The following ZNF277 variants were observed in gnomAD, a reference collection of about 807,000 sequenced individuals.
ZNF277 encodes the protein zinc finger protein 277.
ZNF277 carries 55 observed loss-of-function variants against 60.7 expected under a neutral mutation model. The ratio of observed to expected loss-of-function variants is 0.91; its 90% CI spans 0.73 to 1.13. The LOEUF (loss-of-function observed/expected upper bound fraction) is 1.13. Among genes scored for constraint, ZNF277 ranks in the 50% most tolerant of loss-of-function variants. The pLI, the probability that ZNF277 is intolerant of heterozygous loss-of-function variation, is 0.00. For synonymous variants in ZNF277, 178 were observed against 179.3 expected, an observed-to-expected ratio of 0.99 and a Z score of 0.06; for missense variants, 510 against 523.0, an observed-to-expected ratio of 0.98 and a Z score of 0.24.
chr7:112,324,368 T>C (rs751623550), intron 5 of ZNF277, among the ~76,000 whole-genome samples: 25 of 152,182 alleles, frequency 1.6e-4, no homozygotes, highest in Non-Finnish European at 3.2e-4. Flanking sequence ...AAATTAAGTT[T>C]ATAAAGAAAG....
intron 4 of ZNF277, among the ~76,000 whole-genome samples, chr7:112,302,059 C>T (rs1447978819): frequency 3.3e-5 from 5 of 151,996 alleles, no homozygotes; most frequent in South Asian, 2.1e-4. Context: ...AGTAGCAAGA[C>T]GTAACTTAAC....
chr7:112,269,131 C>A (rs150986523), intron 1 of ZNF277, among the ~76,000 whole-genome samples: 1 of 151,942 alleles, frequency 6.6e-6, no homozygotes, highest in Non-Finnish European at 1.5e-5. Flanking sequence ...CAATGAATGA[C>A]AAGACCTTGA....
intron 2 of ZNF277, 135 bp from the exon 3 acceptor site, chr7:112,295,734 T>C: frequency 1.6e-6 from 1 of 622,416 alleles, no homozygotes; most frequent in East Asian, 2.7e-5. Flanking sequence ...CACAAAAAAC[T>C]GCTAGAAAAG....
chr7:112,327,277 A>G (rs1413071564), intron 5 of ZNF277, among the ~76,000 whole-genome samples: 2 of 152,202 alleles, frequency 1.3e-5, no homozygotes, highest in African/African-American at 2.4e-5. Flanking sequence ...TAAGAAGTAC[A>G]CAACCTAGAT....
In ZNF277 at chr7:112,339,843, G is replaced by T. The variant is rs779311743; in HGVS notation, c.967G>T (p.Asp323Tyr). ...TIEKLYVHME[D>Y]AHEFDLLKIK... ...ACAGATGTATTCATTCCTTTTTTAG[G>T]ATGCACACGAATTTGATCTTCTCAA... Residue 323 changes from aspartate to tyrosine, a missense_variant and splice_region_variant, in exon 10 of 12, where the codon GAT (aspartate) becomes TAT (tyrosine). Asp to Tyr is a radical substitution (Grantham distance 160). Transcript: ENST00000361822. 3.1e-6 allele frequency: 5 copies of T among 1,611,614 alleles called. No individual in the cohort carries two copies. The East Asian group carries it at 1.1e-4, about 36-fold the overall frequency.
intron 1 of ZNF277, among the ~76,000 whole-genome samples, chr7:112,223,845 G>A (rs1283275734): frequency 6.6e-6 from 1 of 152,158 alleles, no homozygotes; most frequent in African/African-American, 2.4e-5. Context: ...GAAGCAATTG[G>A]GGTTGCAGTC....
At chr7:112,217,421 A>C (rs2116955723) in intron 1 of ZNF277, among the ~76,000 whole-genome samples, 1 of 152,358 alleles carries the variant, frequency 6.6e-6, no homozygotes, top group South Asian at 2.1e-4. Flanking sequence ...GGAAATGTAA[A>C]TTGAAAGTAG....
chr7:112,242,160 A>G (rs1406416441), intron 1 of ZNF277, among the ~76,000 whole-genome samples: 7 of 152,076 alleles, frequency 4.6e-5, no homozygotes, highest in Non-Finnish European at 7.4e-5. Context: ...AAATTTAAAA[A>G]AAGATAATCT....
chr7:112,279,617 C>T (rs540488261), intron 1 of ZNF277, among the ~76,000 whole-genome samples: 14 of 152,214 alleles, frequency 9.2e-5, no homozygotes, highest in Admixed American at 7.2e-4. Flanking sequence ...GGATTAGGGT[C>T]ACCAGCTCCC....
intron 4 of ZNF277, among the ~76,000 whole-genome samples, chr7:112,311,702 AAG>A (rs1210367668): frequency 1.3e-5 from 2 of 151,088 alleles, no homozygotes; most frequent in Non-Finnish European, 2.9e-5. Context: ...GAAGGAAAGA[AAG>A]AGTAAGGGAA....
chr7:112,242,539 C>A, intron 1 of ZNF277, among the ~76,000 whole-genome samples: 1 of 142,052 alleles, frequency 7.0e-6, no homozygotes, highest in Non-Finnish European at 1.5e-5. Flanking sequence ...AGAAGTCAAT[C>A]CCATTTATAA....
intron 1 of ZNF277, among the ~76,000 whole-genome samples, chr7:112,262,272 T>G (rs1791455946): frequency 6.6e-6 from 1 of 150,452 alleles, no homozygotes; most frequent in African/African-American, 2.5e-5. Flanking sequence ...AAAAGATCAT[T>G]GAGCCACGTG....
At chr7:112,269,246 A>T (rs904063940) in intron 1 of ZNF277, among the ~76,000 whole-genome samples, 2 of 150,978 alleles carry the variant, frequency 1.3e-5, no homozygotes, top group Non-Finnish European at 2.9e-5. Context: ...TGCTGTAAAT[A>T]AAAGACTCTA....
intron 1 of ZNF277, among the ~76,000 whole-genome samples, chr7:112,238,217 T>A (rs1447350062): frequency 6.6e-6 from 1 of 152,202 alleles, no homozygotes. Context: ...CTCTCAGCAG[T>A]GGCAGCTTAG....
chr7:112,242,975 C>T lies in ZNF277; in HGVS notation c.91+36168C>T, dbSNP rs139527497. ...AGAATGGTACTGGTATAAAAATAGACACATAGATCAATAGAACAGAATAGA... is the reference window on the plus strand; with the variant it reads ...AGAATGGTACTGGTATAAAAATAGATACATAGATCAATAGAACAGAATAGA... On this transcript the variant is annotated intron_variant, in intron 1 of 11. Transcript: ENST00000361822. Among the ~76,000 whole-genome samples, 46 of 152,080 alleles carry T rather than the reference C, an allele frequency of 3.0e-4. 1 individual carries two copies. The East Asian group carries it at 8.5e-3, about 28-fold the overall frequency.
rs949182329 is a variant in ZNF277 at position 112,343,836 on chromosome 7, G to C, written c.*1107G>C. Among the ~76,000 whole-genome samples, 5 of 150,086 alleles carry C rather than the reference G, an allele frequency of 3.3e-5. No homozygotes were observed. The highest frequency in any genetic ancestry group is 1.2e-4 in the African/African-American group (5 of 40,652). On this transcript the variant is annotated 3_prime_UTR_variant, in exon 12 of 12. Coordinates refer to ENST00000361822, the MANE Select transcript of ZNF277 (RefSeq NM_021994.3). ...AGCTACTTGGGAGGCTGAAGCACAAGAATCGCTTGAATCCAGGAGGCAAAA... is the reference window on the plus strand; with the variant it reads ...AGCTACTTGGGAGGCTGAAGCACAACAATCGCTTGAATCCAGGAGGCAAAA...
chr7:112,226,945 C>G (rs1483223014), intron 1 of ZNF277, among the ~76,000 whole-genome samples: 2 of 152,080 alleles, frequency 1.3e-5, no homozygotes, highest in Non-Finnish European at 2.9e-5. Flanking sequence ...TCAGAGCCAA[C>G]TGGCAAATTT....
In ZNF277 at chr7:112,313,818, A is replaced by G. The variant is rs1045290833; in HGVS notation, c.466-4364A>G. On this transcript the variant is annotated intron_variant, in intron 4 of 11. Coordinates refer to ENST00000361822, the MANE Select transcript of ZNF277 (RefSeq NM_021994.3). Reference sequence around the variant, plus strand: ...AGTGCCAACCATATGTCAGTAAGGGATAATCAAGTGTGTTATAAACCCCTT... The same window carrying G: ...AGTGCCAACCATATGTCAGTAAGGGGTAATCAAGTGTGTTATAAACCCCTT... Among the ~76,000 whole-genome samples the G allele has an allele frequency of 2.6e-5, 4 of 152,190 alleles. No individual in the cohort carries two copies. The South Asian group carries it at 8.3e-4, about 31-fold the overall frequency.
intron 1 of ZNF277, among the ~76,000 whole-genome samples, chr7:112,270,123 G>A (rs1791636106): frequency 6.6e-6 from 1 of 152,086 alleles, no homozygotes; most frequent in South Asian, 2.1e-4. Flanking sequence ...CATAAAAAAA[G>A]CGTAATATGG....
Sources: gnomAD v4.1 joint callset for allele counts (sites outside exome capture counted in the v4.1 genomes callset) on GRCh38, gnomAD v4.1.1 for gene constraint, MANE v1.5 for transcripts, NCBI Gene and HGNC (gene_info 2026-07-23, HGNC 2026-07-21) for gene names.